The following BICC1 variants were observed in gnomAD, a reference collection of about 807,000 sequenced individuals.
BICC1 encodes protein bicaudal C homolog 1.
BICC1 carries 43 observed loss-of-function variants against 111.0 expected under a neutral mutation model. The ratio of observed to expected loss-of-function variants is 0.39; its 90% CI spans 0.30 to 0.50. BICC1 has a LOEUF of 0.50. BICC1 is among the 20% of genes least tolerant of loss of function. The pLI is 0.88. For missense variants in BICC1, 1,091 were observed against 1,203.2 expected (o/e 0.91, Z 1.38); for synonymous variants, 467 against 434.4 (o/e 1.07, Z -0.93).
chr10:58,812,837 A>G (rs1266376237), intron 17 of BICC1, among the ~76,000 whole-genome samples: 1 of 152,142 alleles, frequency 6.6e-6, no homozygotes, highest in Non-Finnish European at 1.5e-5. Context: ...AGGAATCACT[A>G]CTGTCATTAC....
At chr10:58,679,751 C>T (rs534193781) in intron 2 of BICC1, among the ~76,000 whole-genome samples, 3 of 152,200 alleles carry the variant, frequency 2.0e-5, no homozygotes, top group South Asian at 2.1e-4. Flanking sequence ...AATTTCAGGC[C>T]GGTACCCCTG....
At chr10:58,587,109 G>T (rs547742981) in intron 1 of BICC1, among the ~76,000 whole-genome samples, 1 of 152,128 alleles carries the variant, frequency 6.6e-6, no homozygotes, top group Non-Finnish European at 1.5e-5. Flanking sequence ...TGAATATTTA[G>T]TGCCTCAGGT....
intron 1 of BICC1, among the ~76,000 whole-genome samples, chr10:58,560,978 A>G (rs1843588121): frequency 6.6e-6 from 1 of 152,032 alleles, no homozygotes; most frequent in African/African-American, 2.4e-5. Flanking sequence ...AGAATTCTCC[A>G]TGTGCTCATA....
intron 3 of BICC1, among the ~76,000 whole-genome samples, chr10:58,770,463 T>C (rs2132720180): frequency 6.6e-6 from 1 of 152,036 alleles, no homozygotes; most frequent in South Asian, 2.1e-4. Context: ...AATAAACATA[T>C]CAAATGTCAA....
rs189666884 is a variant in BICC1 at position 58,576,735 on chromosome 10, C to T, written c.191-44120C>T. Among the ~76,000 whole-genome samples, 38 of 152,134 alleles carry T rather than the reference C, an allele frequency of 2.5e-4. 1 individual carries two copies. The highest frequency in any genetic ancestry group is 9.2e-4 in the African/African-American group (38 of 41,494). On this transcript the variant is annotated intron_variant, in intron 1 of 20. Transcript: ENST00000373886. ...AGGATCAATACTGTTACAAAAAAAC[C>T]GCACTCAAATGTAAGTTCAGATGAC...
chr10:58,636,087 C>T (rs180691716), intron 2 of BICC1, among the ~76,000 whole-genome samples: 2 of 152,148 alleles, frequency 1.3e-5, no homozygotes, highest in Non-Finnish European at 2.9e-5. Context: ...GTTTTGGGAC[C>T]TAACACATTG....
At chr10:58,562,537 C>A (rs1843635695) in intron 1 of BICC1, among the ~76,000 whole-genome samples, 1 of 151,906 alleles carries the variant, frequency 6.6e-6, no homozygotes. Context: ...TCATTGAATT[C>A]TCAGTCTGTA....
chr10:58,564,945 C>T (rs73302416), intron 1 of BICC1, among the ~76,000 whole-genome samples: 3,880 of 152,170 alleles, frequency 0.025, 176 homozygotes, highest in African/African-American at 0.089. Flanking sequence ...AGGAATTACT[C>T]AAGAATATGA....
intron 2 of BICC1, among the ~76,000 whole-genome samples, chr10:58,686,653 T>C (rs572302330): frequency 6.6e-6 from 1 of 152,318 alleles, no homozygotes; most frequent in African/African-American, 2.4e-5. Flanking sequence ...TTACCCTTGA[T>C]CAAATCGGCT....
chr10:58,679,551 A>G (rs546589855), intron 2 of BICC1, among the ~76,000 whole-genome samples: 1 of 152,340 alleles, frequency 6.6e-6, no homozygotes, highest in African/African-American at 2.4e-5. Context: ...TTAATAGCTT[A>G]CCAACCAAAA....
Position 58,806,564 on chromosome 10 carries a change from A to G in BICC1, c.2182-20A>G. On this transcript the variant is annotated intron_variant, in intron 15 of 20. Coordinates refer to ENST00000373886, the MANE Select transcript of BICC1 (RefSeq NM_001080512.3). ...ATTTGGAGAGACTGTCAATAAAGGTATTTTCTGTTTCATTTTCAGGCATTT... is the reference window on the plus strand; with the variant it reads ...ATTTGGAGAGACTGTCAATAAAGGTGTTTTCTGTTTCATTTTCAGGCATTT... The G allele has an allele frequency of 6.2e-7, 1 of 1,610,174 alleles. No individual in the cohort carries two copies. The highest frequency in any genetic ancestry group is 8.5e-7 in the Non-Finnish European group (1 of 1,176,708).
intron 1 of BICC1, among the ~76,000 whole-genome samples, chr10:58,532,571 T>C (rs1220255109): frequency 1.3e-5 from 2 of 151,756 alleles, no homozygotes; most frequent in African/African-American, 2.4e-5. Flanking sequence ...AGGGACGAGA[T>C]GATGATGAAG....
intron 3 of BICC1, among the ~76,000 whole-genome samples, chr10:58,781,104 G>A (rs1208627434): frequency 6.6e-6 from 1 of 152,084 alleles, no homozygotes; most frequent in African/African-American, 2.4e-5. Context: ...CTCTTCATTA[G>A]GATGACACCA....
intron 1 of BICC1, among the ~76,000 whole-genome samples, chr10:58,609,605 CATT>C (rs775296586): frequency 2.0e-5 from 3 of 152,146 alleles, no homozygotes; most frequent in Non-Finnish European, 4.4e-5. Context: ...GTAATCAAAA[CATT>C]ATTAAGATTT....
intron 1 of BICC1, among the ~76,000 whole-genome samples, chr10:58,613,648 TG>T: frequency 6.6e-6 from 1 of 152,224 alleles, no homozygotes; most frequent in Non-Finnish European, 1.5e-5. Context: ...GCTCCAGTGT[TG>T]GGTTCGGAGT....
chr10:58,609,720 A>G (rs1426936399), intron 1 of BICC1, among the ~76,000 whole-genome samples: 2 of 152,218 alleles, frequency 1.3e-5, no homozygotes, highest in Non-Finnish European at 2.9e-5. Context: ...CACGAGGCAC[A>G]TGTGGCCAGT....
chr10:58,686,966 T>A (rs1839752274), intron 2 of BICC1, among the ~76,000 whole-genome samples: 1 of 152,258 alleles, frequency 6.6e-6, no homozygotes, highest in Non-Finnish European at 1.5e-5. Context: ...TTTAGAATTT[T>A]CAGCTTTTCT....
chr10:58,776,966 C>T (rs1471037318), intron 3 of BICC1, among the ~76,000 whole-genome samples: 1 of 151,982 alleles, frequency 6.6e-6, no homozygotes, highest in Non-Finnish European at 1.5e-5. Context: ...TGGATTTTTC[C>T]CTGCCCTCCT....
chr10:58,636,442 A>G (rs1243577311), intron 2 of BICC1, among the ~76,000 whole-genome samples: 1 of 151,782 alleles, frequency 6.6e-6, no homozygotes, highest in Non-Finnish European at 1.5e-5. Context: ...CTGCCTCCCC[A>G]CCTCCTCCCC....
Sources: allele counts gnomAD v4.1 joint callset (sites outside exome capture counted in the v4.1 genomes callset), GRCh38; gene constraint gnomAD v4.1.1; transcripts MANE v1.5; gene names NCBI Gene and HGNC (gene_info 2026-07-23, HGNC 2026-07-21).